Variants in ZNRF2 observed in about 807,000 individuals in gnomAD.
ZNRF2 encodes the protein zinc and ring finger 2.
In ZNRF2, 16 loss-of-function variants were observed where a neutral mutation model predicts 20.4. That is an observed-to-expected ratio of 0.79 (90% CI 0.53 to 1.19). ZNRF2 has a LOEUF of 1.19. Among genes scored for constraint, ZNRF2 ranks in the 50% most tolerant of loss-of-function variants. ZNRF2 has a pLI of 0.00. For missense variants in ZNRF2, 363 were observed against 332.4 expected (o/e 1.09, Z -0.72); for synonymous variants, 178 against 144.9 (o/e 1.23, Z -1.64).
chr7:30,293,304 A>G (rs1021483453), intron 1 of ZNRF2, among the ~76,000 whole-genome samples: 2 of 146,754 alleles, frequency 1.4e-5, no homozygotes, highest in African/African-American at 2.5e-5. Context: ...GCTACAGTGC[A>G]GTAGTGCGAT....
intron 2 of ZNRF2, among the ~76,000 whole-genome samples, 160 bp from the exon 3 acceptor site, chr7:30,355,568 A>G (rs1404596875): frequency 2.6e-5 from 4 of 152,238 alleles, no homozygotes; most frequent in Non-Finnish European, 5.9e-5. Flanking sequence ...TCATTTATGA[A>G]TAGTATTTCA....
At position 30,285,839 on chromosome 7, in the gene ZNRF2, C is replaced by A. The variant is rs200354227; in HGVS notation, c.469+13C>A. On this transcript the variant is annotated intron_variant, in intron 1 of 4. Coordinates refer to ENST00000323037, the MANE Select transcript of ZNRF2 (RefSeq NM_147128.4). ...CACATGTTTGGAGGTACGGACCCCT[C>A]TCCGCGCACCCGCGCTCGGTCCTCC... is the stretch of plus-strand genomic sequence containing the variant. 6.7e-6 allele frequency: 10 copies of A among 1,488,496 alleles called. No individual in the cohort carries two copies. In the African/African-American group the frequency reaches 1.3e-4, roughly 20 times the overall value. 92.2% of individuals were successfully genotyped at this position (1,488,496 alleles called of 1,614,324 possible). A position where few individuals can be genotyped will look rare whatever the true frequency, so the allele number is the denominator to read the frequency against.
At chr7:30,297,403 A>T (rs1241014107) in intron 1 of ZNRF2, among the ~76,000 whole-genome samples, 2 of 152,146 alleles carry the variant, frequency 1.3e-5, no homozygotes, top group Admixed American at 6.6e-5. Context: ...TTTTTAGCCG[A>T]TACAATTTCA....
chr7:30,331,553 T>G (rs1799635370), intron 2 of ZNRF2, among the ~76,000 whole-genome samples: 1 of 151,486 alleles, frequency 6.6e-6, no homozygotes, highest in Non-Finnish European at 1.5e-5. Flanking sequence ...TATGAGAGAG[T>G]ACCTGGCATG....
chr7:30,303,263 C>CAAAAAA, intron 1 of ZNRF2, among the ~76,000 whole-genome samples: 1 of 107,104 alleles, frequency 9.3e-6, no homozygotes, highest in South Asian at 3.0e-4. Context: ...GATCCTGTCT[C>CAAAAAA]AAAAAAAAAA....
intron 2 of ZNRF2, among the ~76,000 whole-genome samples, chr7:30,335,043 T>A (rs1799695822): frequency 6.7e-6 from 1 of 148,878 alleles, no homozygotes; most frequent in African/African-American, 2.6e-5. Context: ...AAAATAAAAA[T>A]AATTAGTTTG....
At chr7:30,294,932 A>G (rs1479568880) in intron 1 of ZNRF2, among the ~76,000 whole-genome samples, 1 of 151,162 alleles carries the variant, frequency 6.6e-6, no homozygotes, top group Non-Finnish European at 1.5e-5. Flanking sequence ...TAGAGAATTG[A>G]AGGAACAAAG....
At chr7:30,291,226 A>G (rs889540523) in intron 1 of ZNRF2, among the ~76,000 whole-genome samples, 3 of 152,240 alleles carry the variant, frequency 2.0e-5, no homozygotes, top group African/African-American at 7.2e-5. Context: ...GAGAACCTGA[A>G]GCTAGAAAAA....
intron 4 of ZNRF2, among the ~76,000 whole-genome samples, chr7:30,364,148 G>A (rs1034591762): frequency 3.9e-5 from 6 of 152,184 alleles, no homozygotes; most frequent in Non-Finnish European, 7.4e-5. Context: ...TTCTGTTGCT[G>A]TATTGGTGGA....
At position 30,285,079 on chromosome 7, in the gene ZNRF2, T is replaced by G; in HGVS notation, c.-279T>G. 1 of 411,644 alleles carries G rather than the reference T, an allele frequency of 2.4e-6. No individual in the cohort carries two copies. Among genetic ancestry groups the G allele is most frequent in the Non-Finnish European group, 4.8e-6 (1 of 208,970 alleles). The allele number at this position is 411,644 out of a possible 1,614,324, so 25.5% of individuals were successfully genotyped here. The stretch of plus-strand genomic sequence containing the variant: ...CACGGCCACTTGAGCCGCCCCTTCC[T>G]GCTGGAGCCAGCGAGGGGTGCCTGC... On this transcript the variant is annotated 5_prime_UTR_variant, in exon 1 of 5. Coordinates refer to ENST00000323037, the MANE Select transcript of ZNRF2 (RefSeq NM_147128.4).
At chr7:30,341,027 TA>T (rs1474074577) in intron 2 of ZNRF2, among the ~76,000 whole-genome samples, 2 of 152,212 alleles carry the variant, frequency 1.3e-5, no homozygotes, top group African/African-American at 4.8e-5. Context: ...TTTATTTGCA[TA>T]GAAGTTTTTA....
intron 2 of ZNRF2, among the ~76,000 whole-genome samples, chr7:30,325,949 A>G (rs974091493): frequency 2.0e-5 from 3 of 152,142 alleles, no homozygotes; most frequent in African/African-American, 7.2e-5. Context: ...ATATTCTATA[A>G]TTGTTTATGT....
intron 2 of ZNRF2, among the ~76,000 whole-genome samples, chr7:30,333,027 T>C (rs1799659133): frequency 6.6e-6 from 1 of 151,836 alleles, no homozygotes; most frequent in Admixed American, 6.6e-5. Flanking sequence ...TTGCTCCATA[T>C]CCTCACCAAC....
intron 2 of ZNRF2, among the ~76,000 whole-genome samples, chr7:30,352,778 T>C (rs973194531): frequency 6.6e-6 from 1 of 152,102 alleles, no homozygotes; most frequent in Non-Finnish European, 1.5e-5. Context: ...GTGGGTGTTA[T>C]CTTCATAAAT....
intron 1 of ZNRF2, among the ~76,000 whole-genome samples, chr7:30,291,234 A>G (rs1798904482): frequency 6.6e-6 from 1 of 152,226 alleles, no homozygotes; most frequent in Non-Finnish European, 1.5e-5. Flanking sequence ...GAAGCTAGAA[A>G]AATAGAAAGT....
At chr7:30,293,877 G>A (rs921671455) in intron 1 of ZNRF2, among the ~76,000 whole-genome samples, 2 of 152,142 alleles carry the variant, frequency 1.3e-5, no homozygotes, top group Non-Finnish European at 2.9e-5. Flanking sequence ...CGACCATGTG[G>A]AATATCCTAA....
Position 30,285,298 on chromosome 7 carries a change from G to C in ZNRF2, c.-60G>C, listed in dbSNP as rs1285982915. The stretch of plus-strand genomic sequence containing the variant: ...GCCCTGCCCTCTAGCTCCCGCGCTC[G>C]CTCCCGCCCTCCCGGCTCTCGGGGC... On this transcript the variant is annotated 5_prime_UTR_variant, in exon 1 of 5. Transcript: ENST00000323037. 10 of 1,048,350 alleles carry C rather than the reference G, an allele frequency of 9.5e-6. No homozygotes were observed. Among genetic ancestry groups the C allele is most frequent in the South Asian group, 4.3e-5 (1 of 23,078 alleles). 64.9% of individuals were successfully genotyped at this position (1,048,350 alleles called of 1,614,324 possible). A position where few individuals can be genotyped will look rare whatever the true frequency, so the allele number is the denominator to read the frequency against.
intron 2 of ZNRF2, among the ~76,000 whole-genome samples, chr7:30,355,145 A>G (rs1353783114): frequency 1.3e-5 from 2 of 152,138 alleles, no homozygotes; most frequent in East Asian, 1.9e-4. Context: ...GAAAAAGATT[A>G]TGAAGAATTG....
At chr7:30,288,075 T>G (rs1443457083) in intron 1 of ZNRF2, among the ~76,000 whole-genome samples, 1 of 152,142 alleles carries the variant, frequency 6.6e-6, no homozygotes, top group Non-Finnish European at 1.5e-5. Flanking sequence ...TTACCTATAT[T>G]TTAGTGGACG....
Sources: gnomAD v4.1 joint callset for allele counts (sites outside exome capture counted in the v4.1 genomes callset) on GRCh38, gnomAD v4.1.1 for gene constraint, MANE v1.5 for transcripts, NCBI Gene and HGNC (gene_info 2026-07-23, HGNC 2026-07-21) for gene names.